PTPRD: variants seen among roughly 807,000 people sequenced by gnomAD.
PTPRD encodes protein tyrosine phosphatase receptor type D.
Under a neutral mutation model 214.5 loss-of-function variants are expected in PTPRD, and 34 were observed. That is an observed-to-expected ratio of 0.16 (90% confidence interval 0.12 to 0.21). PTPRD has a LOEUF of 0.21. Among genes scored for constraint, PTPRD ranks in the 10% least tolerant of loss-of-function variants. PTPRD has a pLI of 1.00. For missense variants in PTPRD, 2,545 were observed against 2,398.7 expected, an observed-to-expected ratio of 1.06 and a Z score of -1.27; for synonymous variants, 1,128 against 845.7, an observed-to-expected ratio of 1.33 and a Z score of -5.79.
chr9:9,890,779 G>C (rs1023101575), intron 5 of PTPRD, among the ~76,000 whole-genome samples: 3 of 151,940 alleles, frequency 2.0e-5, no homozygotes, highest in Non-Finnish European at 4.4e-5. Context: ...AATTGGAAGG[G>C]GAAAGCAGGC....
chr9:8,830,777 A>C (rs1601225351), intron 11 of PTPRD, among the ~76,000 whole-genome samples: 1 of 152,206 alleles, frequency 6.6e-6, no homozygotes, highest in African/African-American at 2.4e-5. Flanking sequence ...TCAAATCCGT[A>C]ATTTGGGGAA....
intron 2 of PTPRD, among the ~76,000 whole-genome samples, chr9:10,459,625 T>A (rs1472073897): frequency 1.3e-5 from 2 of 152,154 alleles, no homozygotes; most frequent in Admixed American, 6.5e-5. Context: ...TCACTGTGGT[T>A]TTGATTTGCA....
At chr9:9,551,211 C>T (rs1461040625) in intron 8 of PTPRD, among the ~76,000 whole-genome samples, 4 of 151,836 alleles carry the variant, frequency 2.6e-5, no homozygotes, top group Non-Finnish European at 5.9e-5. Flanking sequence ...CAACCTGGCG[C>T]TAAATAAACT....
At chr9:8,486,821 C>A (rs1379677794) in intron 27 of PTPRD, among the ~76,000 whole-genome samples, 1 of 152,132 alleles carries the variant, frequency 6.6e-6, no homozygotes, top group African/African-American at 2.4e-5. Context: ...TCACTACATT[C>A]TCGGATTAGT....
chr9:9,930,679 T>A (rs2086186950), intron 5 of PTPRD, among the ~76,000 whole-genome samples: 1 of 152,150 alleles, frequency 6.6e-6, no homozygotes, highest in Non-Finnish European at 1.5e-5. Context: ...TATATCAGTA[T>A]GGCTATTCTG....
chr9:9,069,567 T>C (rs2099740736), intron 10 of PTPRD, among the ~76,000 whole-genome samples: 1 of 152,236 alleles, frequency 6.6e-6, no homozygotes, highest in Non-Finnish European at 1.5e-5. Flanking sequence ...CAACCTTAGA[T>C]TGCTGGCTCC....
intron 9 of PTPRD, among the ~76,000 whole-genome samples, chr9:9,390,126 G>T (rs1473522056): frequency 6.6e-6 from 1 of 152,150 alleles, no homozygotes; most frequent in African/African-American, 2.4e-5. Context: ...AGAGGCCAAA[G>T]TCCTCCAGCC....
chr9:9,430,048 C>A (rs1428440266), intron 8 of PTPRD, among the ~76,000 whole-genome samples: 1 of 152,122 alleles, frequency 6.6e-6, no homozygotes, highest in African/African-American at 2.4e-5. Context: ...GAAGTTCTGG[C>A]CAGGGCAATC....
At chr9:10,191,239 A>G (rs565185309) in intron 3 of PTPRD, among the ~76,000 whole-genome samples, 1 of 152,190 alleles carries the variant, frequency 6.6e-6, no homozygotes, top group Non-Finnish European at 1.5e-5. Context: ...TATAATTTTT[A>G]CCTCTGAGAA....
intron 14 of PTPRD, among the ~76,000 whole-genome samples, chr9:8,571,482 G>C (rs942799056): frequency 2.0e-5 from 3 of 152,046 alleles, no homozygotes; most frequent in Non-Finnish European, 2.9e-5. Flanking sequence ...ATGACAATTT[G>C]GCTGATAATA....
intron 32 of PTPRD, among the ~76,000 whole-genome samples, chr9:8,465,001 C>A (rs1179062360): frequency 6.6e-6 from 1 of 151,890 alleles, no homozygotes; most frequent in East Asian, 1.9e-4. Flanking sequence ...CAATCACCCC[C>A]AAAGTCAGTA....
chr9:10,148,439 A>G (rs28444640), intron 3 of PTPRD, among the ~76,000 whole-genome samples: 8,257 of 152,262 alleles, frequency 0.054, 327 homozygotes, highest in Admixed American at 0.11. Flanking sequence ...AATGAAAGAA[A>G]TAGAACTTCA....
chr9:9,833,688 G>GA lies in PTPRD; in HGVS notation c.-367-66838_-367-66837insT, dbSNP rs2055772910. 2.0e-5 allele frequency among the ~76,000 whole-genome samples: 3 copies of GA among 149,218 alleles called. No individual in the cohort carries two copies. In the South Asian group the frequency reaches 6.5e-4, roughly 32 times the overall value. ...GAGACAGGTACGCTCCGGAGAGGGG[G>GA]GCAGTTCAGAGACCTACCCCTAGGT... On this transcript the variant is annotated intron_variant, in intron 5 of 45. Coordinates refer to ENST00000381196, the MANE Select transcript of PTPRD (RefSeq NM_002839.4).
chr9:9,690,190 G>C (rs982033087), intron 7 of PTPRD, among the ~76,000 whole-genome samples: 1 of 151,726 alleles, frequency 6.6e-6, no homozygotes, highest in Non-Finnish European at 1.5e-5. Context: ...ATTTTAAGTG[G>C]AGTGAAATAT....
intron 11 of PTPRD, among the ~76,000 whole-genome samples, chr9:8,960,563 G>C (rs1458042505): frequency 6.6e-6 from 1 of 152,110 alleles, no homozygotes; most frequent in East Asian, 1.9e-4. Context: ...ATTAAAAACA[G>C]AGCTGAAGAT....
At chr9:8,731,652 T>C (rs1444369604) in intron 12 of PTPRD, among the ~76,000 whole-genome samples, 1 of 152,210 alleles carries the variant, frequency 6.6e-6, no homozygotes, top group East Asian at 1.9e-4. Context: ...TAAAATGATA[T>C]CTCCGACTCT....
At chr9:10,165,463 G>C (rs946169846) in intron 3 of PTPRD, among the ~76,000 whole-genome samples, 2 of 151,702 alleles carry the variant, frequency 1.3e-5, no homozygotes, top group Admixed American at 6.6e-5. Flanking sequence ...AAATTTAATA[G>C]TGTCAAACGT....
chr9:9,207,711 T>G (rs1037809267), intron 9 of PTPRD, among the ~76,000 whole-genome samples: 8 of 152,178 alleles, frequency 5.3e-5, no homozygotes, highest in African/African-American at 1.4e-4. Flanking sequence ...CAGTAATGTA[T>G]TGCAACAATA....
At chr9:10,532,509 T>C (rs2056644046) in intron 2 of PTPRD, 1 of 149,832 alleles carries the variant, frequency 6.7e-6, no homozygotes, top group Non-Finnish European at 1.5e-5. Flanking sequence ...ATGAACAGTG[T>C]CTGTGCACCT....
Sources: allele counts gnomAD v4.1 joint callset (sites outside exome capture counted in the v4.1 genomes callset), GRCh38; gene constraint gnomAD v4.1.1; transcripts MANE v1.5; gene names NCBI Gene and HGNC (gene_info 2026-07-23, HGNC 2026-07-21).